ZZEF1: variants seen among roughly 807,000 people sequenced by gnomAD.
ZZEF1 encodes the protein zinc finger ZZ-type and EF-hand domain containing 1, also known as zinc finger ZZ-type and EF-hand domain-containing protein 1.
In ZZEF1, 157 loss-of-function variants were observed where a neutral mutation model predicts 342.8. The ratio of observed to expected loss-of-function variants is 0.46; its 90% CI spans 0.40 to 0.52. ZZEF1 has a LOEUF of 0.52. Among genes scored for constraint, ZZEF1 ranks in the 20% least tolerant of loss-of-function variants. The probability of loss-of-function intolerance (pLI) is 0.00; values close to 1 mark genes in which losing one functional copy is unlikely to be tolerated. For synonymous variants in ZZEF1, 1,505 were observed against 1,429.1 expected, an observed-to-expected ratio of 1.05 and a Z score of -1.20; for missense variants, 3,480 against 3,725.6, an observed-to-expected ratio of 0.93 and a Z score of 1.72.
chr17:4,080,621 C>T (rs1292142545), intron 18 of ZZEF1, among the ~76,000 whole-genome samples: 1 of 152,098 alleles, frequency 6.6e-6, no homozygotes, highest in Non-Finnish European at 1.5e-5. Flanking sequence ...AACTCCCGAC[C>T]TCAGGTGATC....
intron 42 of ZZEF1, among the ~76,000 whole-genome samples, chr17:4,027,285 A>ATT (rs2056429836): frequency 3.8e-5 from 2 of 53,254 alleles, no homozygotes; most frequent in Non-Finnish European, 6.3e-5. Context: ...GCAATATCTC[A>ATT]CTTTTTTTTT....
chr17:4,060,432 GCA>G (rs1173436125), intron 30 of ZZEF1, among the ~76,000 whole-genome samples: 3 of 152,026 alleles, frequency 2.0e-5, no homozygotes, highest in Admixed American at 6.6e-5. Context: ...GAGTGTGGTG[GCA>G]CACACTTAGG....
In ZZEF1 at chr17:4,064,663, G is replaced by T; in HGVS notation, c.4416C>A (p.Ala1472=). Residue 1472 remains alanine (A), a synonymous_variant, in exon 29 of 55, where the codon GCC becomes GCA. Transcript: ENST00000381638. ...GTGCGGCTTCAGTGGGAGATACTGA[G>T]GCTTGGAAATGCTCTTCCACCACAG... ...TSSVVEEHFQ[A]SVSPTEAAPP... 1 of 1,614,174 alleles carries T rather than the reference G, an allele frequency of 6.2e-7. No homozygotes were observed. The highest frequency in any genetic ancestry group is 8.5e-7 in the Non-Finnish European group (1 of 1,180,028).
intron 1 of ZZEF1, among the ~76,000 whole-genome samples, chr17:4,136,280 G>A (rs1406386128): frequency 1.3e-5 from 2 of 149,444 alleles, no homozygotes; most frequent in Non-Finnish European, 3.0e-5. Context: ...GGAGGTGGAG[G>A]TTGCAGTGAG....
At chr17:4,027,044 C>G (rs1305936019) in intron 42 of ZZEF1, among the ~76,000 whole-genome samples, 1 of 152,092 alleles carries the variant, frequency 6.6e-6, no homozygotes, top group East Asian at 1.9e-4. Flanking sequence ...TGAATCTTTA[C>G]AAAGGAATGA....
At chr17:4,024,185 G>GTTTTTTTTTT (rs1491483468) in intron 43 of ZZEF1, among the ~76,000 whole-genome samples, 9 of 83,974 alleles carry the variant, frequency 1.1e-4, no homozygotes, top group African/African-American at 6.4e-4. Context: ...ATATTGCCCA[G>GTTTTTTTTTT]GTTTTTTTTT....
Position 4,125,955 on chromosome 17 carries a change from G to A in ZZEF1, c.355-1904C>T, listed in dbSNP as rs188180246. 3.0e-4 allele frequency among the ~76,000 whole-genome samples: 45 copies of A among 152,170 alleles called. 1 individual carries two copies. In the East Asian group the frequency reaches 4.1e-3, roughly 14 times the overall value. ...AAAGATGGGTTAGGAGGCCGGGCGC[G>A]GTGGTTCACACCTGTAATCCCAGCA... On this transcript the variant is annotated intron_variant, in intron 1 of 54. Transcript: ENST00000381638.
intron 18 of ZZEF1, among the ~76,000 whole-genome samples, chr17:4,080,193 A>C (rs1039418850): frequency 1.3e-5 from 2 of 152,254 alleles, no homozygotes; most frequent in African/African-American, 4.8e-5. Context: ...TTGGAGCATA[A>C]ACTACATTTT....
At chr17:4,046,062 T>G (rs1597806803) in intron 37 of ZZEF1, among the ~76,000 whole-genome samples, 1 of 152,242 alleles carries the variant, frequency 6.6e-6, no homozygotes, top group Non-Finnish European at 1.5e-5. Flanking sequence ...CTCCTGACCT[T>G]GCGATCCACC....
At chr17:4,097,390 A>G (rs2058054463) in intron 9 of ZZEF1, among the ~76,000 whole-genome samples, 1 of 151,080 alleles carries the variant, frequency 6.6e-6, no homozygotes. Context: ...CTGGGCTGAT[A>G]AAGCCTACTG....
chr17:4,056,753 G>A (rs2057169792), intron 32 of ZZEF1: 1 of 152,094 alleles, frequency 6.6e-6, no homozygotes, highest in Non-Finnish European at 1.5e-5. Flanking sequence ...AGGGAATCAG[G>A]AGACACTGTG....
intron 28 of ZZEF1, among the ~76,000 whole-genome samples, chr17:4,065,672 C>T (rs1443148893): frequency 6.6e-6 from 1 of 152,142 alleles, no homozygotes; most frequent in Admixed American, 6.5e-5. Context: ...CCCTCACTCC[C>T]CGGATTACTT....
rs368107624 is a variant in ZZEF1 at position 4,070,751 on chromosome 17, A to G, written c.4008T>C (p.Ala1336=). 2.5e-6 allele frequency: 4 copies of G among 1,614,072 alleles called. No individual in the cohort carries two copies. The African/African-American group carries it at 4.0e-5, about 16-fold the overall frequency. ...DIVAGSTIDQ[A]VNATFAALVY... ...CCAGAGCAGCAAAGGTGGCGTTCAC[A>G]GCTTGATCAATAGTGGAACCAGCAA... The change falls in exon 26 of 55, where the codon GCT becomes GCC. Residue 1336 remains alanine, a synonymous_variant. Transcript: ENST00000381638.
At chr17:4,134,774 C>G (rs531627153) in intron 1 of ZZEF1, among the ~76,000 whole-genome samples, 1 of 152,040 alleles carries the variant, frequency 6.6e-6, no homozygotes, top group South Asian at 2.1e-4. Flanking sequence ...CATGGGCCAA[C>G]AGACACTCCA....
At chr17:4,061,751 G>A (rs776091829) in intron 30 of ZZEF1, among the ~76,000 whole-genome samples, 1 of 151,770 alleles carries the variant, frequency 6.6e-6, no homozygotes, top group Admixed American at 6.6e-5. Context: ...TTATCCAACC[G>A]TAAGTCCTGA....
chr17:4,142,831 C>A lies in ZZEF1; in HGVS notation c.65G>T (p.Gly22Val). The A allele has an allele frequency of 7.1e-7, 1 of 1,400,030 alleles. No homozygotes were observed. The highest frequency in any genetic ancestry group is 9.2e-7 in the Non-Finnish European group (1 of 1,086,634). The allele number at this position is 1,400,030 out of a possible 1,614,324, so 86.7% of individuals were successfully genotyped here. A position where few individuals can be genotyped will look rare whatever the true frequency, so the allele number is the denominator to read the frequency against. Residue 22 changes from glycine to valine, a missense_variant, in exon 1 of 55, where the codon GGC becomes GTC. By Grantham distance (109) the Gly-to-Val change is moderately radical. Around this residue, in one of 5 missense-constraint regions of ZZEF1, gnomAD observed 416 missense variants for 374.2 expected, o/e 1.11. Transcript: ENST00000381638. ...EAAAAGGEGW[G>V]PHQDWAAVSG... ...GACCGCGGCCCAGTCCTGGTGTGGG[C>A]CCCAGCCCTCGCCACCGGCAGCTGC... is the stretch of plus-strand genomic sequence containing the variant.
intron 25 of ZZEF1, among the ~76,000 whole-genome samples, chr17:4,071,684 A>G (rs1411055653): frequency 6.6e-6 from 1 of 152,212 alleles, no homozygotes; most frequent in Non-Finnish European, 1.5e-5. Context: ...GCTAGGGAGC[A>G]GTGGCTTCAG....
intron 38 of ZZEF1, among the ~76,000 whole-genome samples, 160 bp downstream of exon 38, chr17:4,044,064 T>C (rs2056857851): frequency 2.6e-5 from 4 of 152,246 alleles, no homozygotes; most frequent in Non-Finnish European, 4.4e-5. Context: ...TGAAGAAAGA[T>C]GACATTCGAG....
chr17:4,141,870 C>G (rs1445558667), intron 1 of ZZEF1, among the ~76,000 whole-genome samples: 1 of 152,174 alleles, frequency 6.6e-6, no homozygotes, highest in Non-Finnish European at 1.5e-5. Context: ...GTTGCCAAAT[C>G]AATTTGCTCT....
Sources: gnomAD v4.1 joint callset for allele counts (sites outside exome capture counted in the v4.1 genomes callset) on GRCh38, gnomAD v4.1.1 for gene constraint, gnomAD v4.1.1 regional missense constraint, MANE v1.5 for transcripts, NCBI Gene and HGNC (gene_info 2026-07-23, HGNC 2026-07-21) for gene names.